MRTFB: variants seen among roughly 807,000 people sequenced by gnomAD.
The protein encoded by MRTFB is myocardin-related transcription factor B.
MRTFB carries 29 observed loss-of-function variants against 104.2 expected under a neutral mutation model. The ratio of observed to expected loss-of-function variants is 0.28; its 90% CI spans 0.21 to 0.38. MRTFB has a LOEUF of 0.38. Ranked by LOEUF, MRTFB falls within the 10% of genes least tolerant of loss-of-function variation. The pLI is 1.00. For missense variants in MRTFB, 1,270 were observed against 1,341.6 expected (o/e 0.95, Z 0.83); for synonymous variants, 535 against 519.5 (o/e 1.03, Z -0.41).
At chr16:14,231,259 T>TG (rs1597324160) in intron 8 of MRTFB, among the ~76,000 whole-genome samples, 1 of 151,504 alleles carries the variant, frequency 6.6e-6, no homozygotes, top group East Asian at 1.9e-4. Context: ...ATTGTGCACA[T>TG]GTACCCTAAA....
chr16:14,148,588 C>T (rs1368895852), intron 3 of MRTFB: 1 of 152,598 alleles, frequency 6.6e-6, no homozygotes, highest in Non-Finnish European at 1.5e-5. Flanking sequence ...TAGCAAATAT[C>T]ATGTTTTTCT....
chr16:14,245,791 A>G (rs2042985980), intron 11 of MRTFB, 131 bp downstream of exon 11: 1 of 1,047,290 alleles, frequency 9.5e-7, no homozygotes, highest in Non-Finnish European at 1.4e-6. Flanking sequence ...GATAATCTTT[A>G]TAAAAGGTAT....
intron 4 of MRTFB, among the ~76,000 whole-genome samples, chr16:14,211,436 G>C (rs1393233551): frequency 6.6e-6 from 1 of 152,144 alleles, no homozygotes; most frequent in Non-Finnish European, 1.5e-5. Flanking sequence ...TCATGTGCCA[G>C]AGCTGAAAAT....
At chr16:14,168,219 G>A (rs1320048621) in intron 3 of MRTFB, among the ~76,000 whole-genome samples, 1 of 146,976 alleles carries the variant, frequency 6.8e-6, no homozygotes. Context: ...AAGATAAAAT[G>A]TGTGTGTGTG....
chr16:14,072,907 G>C (rs1030582443), intron 1 of MRTFB, among the ~76,000 whole-genome samples: 2 of 152,094 alleles, frequency 1.3e-5, no homozygotes, highest in African/African-American at 4.8e-5. Context: ...CACACTCGAA[G>C]GGACAATACT....
chr16:14,068,235 T>C (rs1476641455), upstream of MRTFB, among the ~76,000 whole-genome samples: 1 of 152,214 alleles, frequency 6.6e-6, no homozygotes, highest in Non-Finnish European at 1.5e-5. Flanking sequence ...AATCCACCCA[T>C]GGTAATAACA....
chr16:14,028,729 A>G, the MRTFB span, among the ~76,000 whole-genome samples: 2 of 152,186 alleles, frequency 1.3e-5, no homozygotes, highest in African/African-American at 4.8e-5. Flanking sequence ...ACTTCACCTC[A>G]TGGAGCCTCA....
chr16:14,256,402 T>C (rs2043496078), intron 15 of MRTFB, among the ~76,000 whole-genome samples: 1 of 152,198 alleles, frequency 6.6e-6, no homozygotes, highest in Non-Finnish European at 1.5e-5. Context: ...CATTCCTCTC[T>C]GGGTTGGATT....
At chr16:14,072,785 A>C (rs2033794574) in intron 1 of MRTFB, among the ~76,000 whole-genome samples, 1 of 152,234 alleles carries the variant, frequency 6.6e-6, no homozygotes. Context: ...AGATTGAACT[A>C]GGGATAACAT....
the MRTFB span, among the ~76,000 whole-genome samples, chr16:14,003,701 C>T: frequency 6.7e-6 from 1 of 149,910 alleles, no homozygotes; most frequent in Non-Finnish European, 1.5e-5. Flanking sequence ...CACTTCTTTC[C>T]TTCTTCCTTC....
At chr16:14,158,677 C>G (rs35094079) in intron 3 of MRTFB, among the ~76,000 whole-genome samples, 60 of 151,880 alleles carry the variant, frequency 4.0e-4, no homozygotes, top group Non-Finnish European at 7.6e-4. Flanking sequence ...TAATCATATG[C>G]AAAGCTAAAA....
At chr16:14,237,143 G>A (rs1567201945) in intron 9 of MRTFB, among the ~76,000 whole-genome samples, 1 of 152,312 alleles carries the variant, frequency 6.6e-6, no homozygotes, top group East Asian at 1.9e-4. Context: ...AGAGGTCTAG[G>A]TTGGGAATAG....
rs74947287 is a variant in MRTFB, at chr16:14,079,366, T to A, written c.-64+12T>A. 2.6e-5 allele frequency: 9 copies of A among 349,980 alleles called. No individual in the cohort carries two copies. The highest frequency in any genetic ancestry group is 4.2e-5 in the Non-Finnish European group (8 of 192,126). The allele number at this position is 349,980 out of a possible 1,614,324, so 21.7% of individuals were successfully genotyped here. A position where few individuals can be genotyped will look rare whatever the true frequency, so the allele number is the denominator to read the frequency against. The stretch of plus-strand genomic sequence containing the variant: ...ATATTCTTACCGAGGTAAGTTTTTT[T>A]ATAATTTTTTTTTAACAAAGAAACT... On this transcript the variant is annotated intron_variant, in intron 2 of 16. Transcript: ENST00000571589.
intron 2 of MRTFB, among the ~76,000 whole-genome samples, chr16:14,122,859 T>G (rs2036922519): frequency 1.3e-5 from 2 of 152,210 alleles, no homozygotes; most frequent in South Asian, 4.1e-4. Flanking sequence ...CCTTGAGGAA[T>G]CACCACACTG....
At chr16:14,010,707 T>A in the MRTFB span, among the ~76,000 whole-genome samples, 1 of 152,112 alleles carries the variant, frequency 6.6e-6, no homozygotes, top group Non-Finnish European at 1.5e-5. Flanking sequence ...ATTATAGGCA[T>A]GAGCCACCAT....
intron 2 of MRTFB, among the ~76,000 whole-genome samples, chr16:14,098,543 A>G (rs1221761414): frequency 6.6e-6 from 1 of 152,204 alleles, no homozygotes; most frequent in Non-Finnish European, 1.5e-5. Flanking sequence ...TCTTTCAAAG[A>G]GCAGTTCTTA....
chr16:14,235,624 T>C (rs771010257), intron 9 of MRTFB, among the ~76,000 whole-genome samples: 1 of 152,172 alleles, frequency 6.6e-6, no homozygotes, highest in Non-Finnish European at 1.5e-5. Flanking sequence ...AGGAACACAT[T>C]AGGAAACAGA....
chr16:14,226,403 A>G (rs1444700701), intron 8 of MRTFB, among the ~76,000 whole-genome samples: 1 of 152,196 alleles, frequency 6.6e-6, no homozygotes, highest in African/African-American at 2.4e-5. Context: ...ATGATCTTCA[A>G]CAAAGGTGCC....
chr16:14,153,931 C>A (rs1186428032), intron 3 of MRTFB, among the ~76,000 whole-genome samples: 1 of 152,136 alleles, frequency 6.6e-6, no homozygotes, highest in Non-Finnish European at 1.5e-5. Flanking sequence ...CTCCTAAAGT[C>A]TACTCTGTTT....
Sources: gnomAD v4.1 joint callset for allele counts (sites outside exome capture counted in the v4.1 genomes callset) on GRCh38, gnomAD v4.1.1 for gene constraint, MANE v1.5 for transcripts, NCBI Gene and HGNC (gene_info 2026-07-23, HGNC 2026-07-21) for gene names.